Variants in C1orf21 observed in about 807,000 individuals in gnomAD.
C1orf21 encodes the protein chromosome 1 open reading frame 21.
In C1orf21, 3 loss-of-function variants were observed where a neutral mutation model predicts 18.7. The ratio of observed to expected loss-of-function variants is 0.16; its 90% CI spans 0.07 to 0.42. C1orf21 has a LOEUF of 0.42. Among genes scored for constraint, C1orf21 ranks in the 10% least tolerant of loss-of-function variants. C1orf21 has a pLI of 0.99. For synonymous variants in C1orf21, 41 were observed against 46.4 expected, an observed-to-expected ratio of 0.88 and a Z score of 0.47; for missense variants, 104 against 143.6, an observed-to-expected ratio of 0.72 and a Z score of 1.41.
At chr1:184,578,890 C>A (rs183413885) in intron 3 of C1orf21, among the ~76,000 whole-genome samples, 26 of 151,368 alleles carry the variant, frequency 1.7e-4, no homozygotes, top group Middle Eastern at 3.4e-3. Context: ...ACTTTCTCAA[C>A]ATAAGCTCTG....
At chr1:184,403,954 A>G (rs1168321725) in intron 1 of C1orf21, among the ~76,000 whole-genome samples, 1 of 152,234 alleles carries the variant, frequency 6.6e-6, no homozygotes, top group Non-Finnish European at 1.5e-5. Context: ...AAATATCATC[A>G]TAGTCAATTT....
intron 2 of C1orf21, among the ~76,000 whole-genome samples, chr1:184,498,323 C>T (rs1481206623): frequency 1.3e-5 from 2 of 152,142 alleles, no homozygotes; most frequent in Admixed American, 6.5e-5. Context: ...AAGTCAGATG[C>T]GCATAAAGAT....
At chr1:184,585,130 A>C (rs905138298) in intron 3 of C1orf21, among the ~76,000 whole-genome samples, 1 of 152,244 alleles carries the variant, frequency 6.6e-6, no homozygotes, top group Non-Finnish European at 1.5e-5. Flanking sequence ...GCATAATTAA[A>C]TAATTAATAG....
chr1:184,478,123 T>C (rs1657599392), intron 2 of C1orf21, among the ~76,000 whole-genome samples: 1 of 152,142 alleles, frequency 6.6e-6, no homozygotes, highest in African/African-American at 2.4e-5. Flanking sequence ...AATTGGTGCA[T>C]GGGACAGTGG....
At chr1:184,533,984 G>T (rs780413767) in intron 3 of C1orf21, among the ~76,000 whole-genome samples, 3 of 152,168 alleles carry the variant, frequency 2.0e-5, no homozygotes, top group African/African-American at 7.2e-5. Flanking sequence ...GTTCTGATTC[G>T]ACCCAAGAGT....
intron 2 of C1orf21, among the ~76,000 whole-genome samples, chr1:184,494,132 C>T (rs1038410366): frequency 2.6e-5 from 4 of 152,184 alleles, no homozygotes; most frequent in African/African-American, 9.6e-5. Flanking sequence ...GTTTCAGAGT[C>T]ATCTGTCAGA....
intron 4 of C1orf21, among the ~76,000 whole-genome samples, chr1:184,597,948 C>G (rs1407452711): frequency 6.6e-6 from 1 of 152,172 alleles, no homozygotes; most frequent in Non-Finnish European, 1.5e-5. Flanking sequence ...CCGGCCCACA[C>G]CCATAGTCAG....
At chr1:184,597,649 G>A (rs1659534483) in intron 4 of C1orf21, among the ~76,000 whole-genome samples, 1 of 152,144 alleles carries the variant, frequency 6.6e-6, no homozygotes. Flanking sequence ...CCGTCATTAA[G>A]ACCATGGCCC....
intron 2 of C1orf21, among the ~76,000 whole-genome samples, chr1:184,493,296 T>C (rs1029291416): frequency 2.0e-5 from 3 of 152,224 alleles, no homozygotes; most frequent in Non-Finnish European, 4.4e-5. Flanking sequence ...TAATCTGTGC[T>C]GGAAGCTATA....
intron 3 of C1orf21, among the ~76,000 whole-genome samples, chr1:184,509,282 A>G (rs1465410614): frequency 6.6e-6 from 1 of 152,180 alleles, no homozygotes; most frequent in Non-Finnish European, 1.5e-5. Flanking sequence ...TCTGTCAACT[A>G]CTTGGTACTT....
intron 1 of C1orf21, among the ~76,000 whole-genome samples, chr1:184,390,180 A>G (rs1655949387): frequency 1.3e-5 from 2 of 152,156 alleles, no homozygotes; most frequent in African/African-American, 4.8e-5. Flanking sequence ...AGGAGAGAGC[A>G]TTGCTTTGTT....
chr1:184,408,690 G>T (rs573385652), intron 1 of C1orf21, among the ~76,000 whole-genome samples: 2 of 152,268 alleles, frequency 1.3e-5, no homozygotes, highest in Admixed American at 6.5e-5. Flanking sequence ...TATCTGTGTT[G>T]AGTCTTTGTG....
At chr1:184,533,501 TC>T (rs1467921293) in intron 3 of C1orf21, among the ~76,000 whole-genome samples, 1 of 152,206 alleles carries the variant, frequency 6.6e-6, no homozygotes, top group East Asian at 1.9e-4. Context: ...TTTTAATACT[TC>T]CGGTAGATCC....
chr1:184,399,356 ATTTTTTTTTTTTTT>A (rs59376994), intron 1 of C1orf21, among the ~76,000 whole-genome samples: 2 of 79,084 alleles, frequency 2.5e-5, no homozygotes, highest in South Asian at 5.0e-4. Context: ...ATGTACTTCT[ATTTTTTTTTTTTTT>A]TTTTTTTTTT....
intron 5 of C1orf21, among the ~76,000 whole-genome samples, chr1:184,612,490 C>G (rs1308106362): frequency 6.6e-6 from 1 of 152,156 alleles, no homozygotes; most frequent in Non-Finnish European, 1.5e-5. Flanking sequence ...CTTTGGGAGG[C>G]CAAAGCAGGT....
At chr1:184,456,583 G>C (rs1657201806) in intron 1 of C1orf21, among the ~76,000 whole-genome samples, 1 of 147,930 alleles carries the variant, frequency 6.8e-6, no homozygotes, top group Non-Finnish European at 1.5e-5. Context: ...AAACAGTTAT[G>C]ATAGCACAGG....
At position 184,489,202 on chromosome 1, in the gene C1orf21, T is replaced by C. The variant is rs566014652; in HGVS notation, c.94+11599T>C. On this transcript the variant is annotated intron_variant, in intron 2 of 5. Coordinates refer to ENST00000235307, the MANE Select transcript of C1orf21 (RefSeq NM_030806.4). ...CTGAGAATAATATTTGCAATACAAC[T>C]GAAGTTAATATGACTAATAGAAAAA... Among the ~76,000 whole-genome samples, 39 of 152,092 alleles carry C rather than the reference T, an allele frequency of 2.6e-4. No individual in the cohort carries two copies. The South Asian group carries it at 8.1e-3, about 32-fold the overall frequency.
Position 184,487,302 on chromosome 1 carries a change from C to G in C1orf21, c.94+9699C>G, listed in dbSNP as rs993855323. 7.9e-5 allele frequency among the ~76,000 whole-genome samples: 12 copies of G among 152,336 alleles called. 1 individual carries two copies. Among genetic ancestry groups the G allele is most frequent in the Admixed American group, 6.5e-4 (10 of 15,294 alleles). On this transcript the variant is annotated intron_variant, in intron 2 of 5. Coordinates refer to ENST00000235307, the MANE Select transcript of C1orf21 (RefSeq NM_030806.4). ...GTCCTCCGTAGAGACTAGTACAGCT[C>G]CTGCCTTCTGCACTTGGAACTTTAC...
At chr1:184,485,142 A>G (rs1486909277) in intron 2 of C1orf21, among the ~76,000 whole-genome samples, 1 of 152,168 alleles carries the variant, frequency 6.6e-6, no homozygotes, top group Non-Finnish European at 1.5e-5. Context: ...AGAGAGAATA[A>G]TGTTTGTCAG....
Sources: gnomAD v4.1 joint callset for allele counts (sites outside exome capture counted in the v4.1 genomes callset) on GRCh38, gnomAD v4.1.1 for gene constraint, MANE v1.5 for transcripts, NCBI Gene and HGNC (gene_info 2026-07-23, HGNC 2026-07-21) for gene names.